The following HHLA1 variants were observed in gnomAD, a reference collection of about 807,000 sequenced individuals.
The protein encoded by HHLA1 is HHLA1 neighbor of OC90.
A neutral mutation model predicts 69.9 loss-of-function variants in HHLA1; 72 were observed. The ratio of observed to expected loss-of-function variants is 1.03; its 90% CI spans 0.85 to 1.25. The LOEUF (loss-of-function observed/expected upper bound fraction) is 1.25, where lower values mean the gene tolerates loss of function less well. Among genes scored for constraint, HHLA1 ranks in the 50% most tolerant of loss-of-function variants. The pLI is 0.00. For synonymous variants in HHLA1, 252 were observed against 233.2 expected, an observed-to-expected ratio of 1.08 and a Z score of -0.73; for missense variants, 685 against 642.2, an observed-to-expected ratio of 1.07 and a Z score of -0.72.
chr8:132,090,709 C>T (rs1375987310), intron 7 of HHLA1, among the ~76,000 whole-genome samples: 1 of 151,576 alleles, frequency 6.6e-6, no homozygotes, highest in Non-Finnish European at 1.5e-5. Flanking sequence ...GTATAGACAC[C>T]TGTATATGCA....
intron 2 of HHLA1, among the ~76,000 whole-genome samples, chr8:132,104,843 A>G (rs1278379286): frequency 7.9e-5 from 12 of 152,166 alleles, no homozygotes; most frequent in Admixed American, 2.6e-4. Flanking sequence ...AGATGACCTA[A>G]CAAGATTTAT....
At chr8:132,072,891 T>C (rs1823572038) in intron 14 of HHLA1, among the ~76,000 whole-genome samples, 1 of 151,922 alleles carries the variant, frequency 6.6e-6, no homozygotes, top group Non-Finnish European at 1.5e-5. Context: ...GAGGTGCAAT[T>C]GATTTTTGTC....
chr8:132,099,038 A>C, intron 4 of HHLA1, 76 bp from the exon 5 acceptor site: 1 of 1,119,118 alleles, frequency 8.9e-7, no homozygotes, highest in Non-Finnish European at 1.3e-6. Flanking sequence ...TCCAAACTTC[A>C]GGCAGATATT....
chr8:132,079,562 T>C (rs555412366), intron 11 of HHLA1, among the ~76,000 whole-genome samples, 156 bp downstream of exon 11: 1 of 152,350 alleles, frequency 6.6e-6, no homozygotes, highest in African/African-American at 2.4e-5. Flanking sequence ...GTAGAACCCA[T>C]ACCGGCTCAT....
chr8:132,069,250 T>C (rs1206723410), intron 15 of HHLA1, among the ~76,000 whole-genome samples: 1 of 152,196 alleles, frequency 6.6e-6, no homozygotes, highest in African/African-American at 2.4e-5. Context: ...TAAAGCCCTA[T>C]TAGTTATTTC....
Position 132,089,537 on chromosome 8 carries a change from TAAA to T in HHLA1, c.508_510del (p.Phe170del), listed in dbSNP as rs1170922687. ...ACACCTGAGAGGATGGAGGTTGACT[TAAA>T]AATCTCTGTGAGGTAGCTGGTAGAA... On this transcript the variant is annotated inframe_deletion, in exon 8 of 17. Coordinates refer to ENST00000414222, the MANE Select transcript of HHLA1 (RefSeq NM_001145095.3). 6.6e-7 allele frequency: 1 copy of T among 1,525,552 alleles called. No individual in the cohort carries two copies. The highest frequency in any genetic ancestry group is 8.9e-7 in the Non-Finnish European group (1 of 1,123,244). 94.5% of individuals were successfully genotyped at this position (1,525,552 alleles called of 1,614,324 possible). A position where few individuals can be genotyped will look rare whatever the true frequency, so the allele number is the denominator to read the frequency against.
chr8:132,094,848 C>G (rs186972061), intron 7 of HHLA1, among the ~76,000 whole-genome samples: 1 of 152,178 alleles, frequency 6.6e-6, no homozygotes. Flanking sequence ...TCATAGTGCA[C>G]GCTCAGATGG....
chr8:132,077,477 A>C (rs947585001), intron 12 of HHLA1, among the ~76,000 whole-genome samples: 1 of 151,992 alleles, frequency 6.6e-6, no homozygotes, highest in Non-Finnish European at 1.5e-5. Context: ...AAAGAGAAGA[A>C]ATTGGGGAGT....
At chr8:132,072,602 G>A (rs570804781) in intron 14 of HHLA1, among the ~76,000 whole-genome samples, 7 of 152,000 alleles carry the variant, frequency 4.6e-5, no homozygotes, top group African/African-American at 1.7e-4. Flanking sequence ...TTCCAACAAA[G>A]GTTCACTAAT....
In HHLA1 at chr8:132,104,147, C is replaced by T. The variant is rs1425670344; in HGVS notation, c.100G>A (p.Ala34Thr). Residue 34 changes from alanine to threonine, a missense_variant, in exon 3 of 17, where the codon GCC becomes ACC. By Grantham distance (58) the Ala-to-Thr change is moderately conservative (BLOSUM62 0). Coordinates refer to ENST00000414222, the MANE Select transcript of HHLA1 (RefSeq NM_001145095.3). ...WNTVSGIKGE[A>T]KKEKGMTFLP... ...AAGGTCATTCCCTTCTCTTTCTTGG[C>T]TTCTCCTTTGATGCCAGACACTAAA... 10 of 1,550,922 alleles carry T rather than the reference C, an allele frequency of 6.4e-6. No homozygotes were observed. Among genetic ancestry groups the T allele is most frequent in the Non-Finnish European group, 8.7e-6 (10 of 1,146,342 alleles).
At chr8:132,064,097 A>G in intron 16 of HHLA1, 59 bp from the exon 17 acceptor site, 1 of 1,121,184 alleles carries the variant, frequency 8.9e-7, no homozygotes, top group South Asian at 1.3e-5. Context: ...CACTGTAGAG[A>G]CATAAATTAA....
intron 13 of HHLA1, among the ~76,000 whole-genome samples, 172 bp downstream of exon 13, chr8:132,076,303 G>T (rs368116343): frequency 2.2e-4 from 33 of 152,292 alleles, no homozygotes; most frequent in African/African-American, 7.9e-4. Flanking sequence ...TTAGCAGCAC[G>T]GCAAGGCTTA....
In HHLA1 at chr8:132,077,788, A is replaced by G. The variant is rs1187476298; in HGVS notation, c.1109T>C (p.Leu370Ser). The G allele has an allele frequency of 6.4e-7, 1 of 1,551,546 alleles. No individual in the cohort carries two copies. The highest frequency in any genetic ancestry group is 8.7e-7 in the Non-Finnish European group (1 of 1,146,978). ...GGCCATTATCTCAGCAGCAGGCGCCAAAAGGCTTGTAGTGTTCATGGCTTC... is the reference window on the plus strand; with the variant it reads ...GGCCATTATCTCAGCAGCAGGCGCCGAAAGGCTTGTAGTGTTCATGGCTTC... Reference protein sequence around the residue: ...TEEAMNTTSLLAPAAEIMATP... With the variant: ...TEEAMNTTSLSAPAAEIMATP... Residue 370 changes from leucine (L) to serine (S), a missense_variant, in exon 12 of 17, where the codon TTG becomes TCG. Leu to Ser is a moderately radical substitution (Grantham distance 145). Transcript: ENST00000414222.
intron 14 of HHLA1, among the ~76,000 whole-genome samples, chr8:132,072,251 G>C (rs545838849): frequency 1.3e-5 from 2 of 152,234 alleles, no homozygotes; most frequent in Non-Finnish European, 2.9e-5. Flanking sequence ...AACTTGTTGG[G>C]ATCTGCTGAG....
intron 15 of HHLA1, 94 bp downstream of exon 15, chr8:132,071,246 T>A (rs1823535879): frequency 8.7e-7 from 1 of 1,142,978 alleles, no homozygotes; most frequent in African/African-American, 1.6e-5. Context: ...GTGGATTGCT[T>A]ATTGCCTGAC....
At position 132,065,974 on chromosome 8, in the gene HHLA1, G is replaced by T. The variant is rs530603842; in HGVS notation, c.1470-6C>A. On this transcript the variant is annotated splice_polypyrimidine_tract_variant and splice_region_variant and intron_variant, in intron 15 of 16. Transcript: ENST00000414222. ...AATAGTATTCAAGACAGTATCTAAA[G>T]ATTTAAATCAGAGCAGGGAGCAATA... The T allele has an allele frequency of 1.1e-5, 14 of 1,251,446 alleles. No homozygotes were observed. Among genetic ancestry groups the T allele is most frequent in the Non-Finnish European group, 1.5e-5 (14 of 939,940 alleles). The allele number at this position is 1,251,446 out of a possible 1,614,324, so 77.5% of individuals were successfully genotyped here. A position where few individuals can be genotyped will look rare whatever the true frequency, so the allele number is the denominator to read the frequency against.
intron 15 of HHLA1, among the ~76,000 whole-genome samples, chr8:132,070,978 C>G (rs1270883645): frequency 1.3e-5 from 2 of 152,158 alleles, no homozygotes; most frequent in African/African-American, 4.8e-5. Flanking sequence ...CAACTCATCA[C>G]AGCTTAAGTC....
intron 7 of HHLA1, among the ~76,000 whole-genome samples, chr8:132,092,162 T>C (rs1823956716): frequency 6.6e-6 from 1 of 152,334 alleles, no homozygotes; most frequent in South Asian, 2.1e-4. Context: ...AAATGAAAGA[T>C]ACTGATGGTT....
At position 132,101,402 on chromosome 8, in the gene HHLA1, T is replaced by C. The variant is rs1023484048; in HGVS notation, c.140-1268A>G. ...ATAAACTGAAATCCCCAAACTTGAT[T>C]TGATGTACCTAAATTTGATGTACCA... On this transcript the variant is annotated intron_variant, in intron 3 of 16. Coordinates refer to ENST00000414222, the MANE Select transcript of HHLA1 (RefSeq NM_001145095.3). 12 of 1,254,910 alleles carry C rather than the reference T, an allele frequency of 9.6e-6. No homozygotes were observed. In the African/African-American group the frequency reaches 1.1e-4, roughly 11 times the overall value. The allele number at this position is 1,254,910 out of a possible 1,614,324, so 77.7% of individuals were successfully genotyped here.
Sources: allele counts gnomAD v4.1 joint callset (sites outside exome capture counted in the v4.1 genomes callset), GRCh38; gene constraint gnomAD v4.1.1; transcripts MANE v1.5; gene names NCBI Gene and HGNC (gene_info 2026-07-23, HGNC 2026-07-21).